Variants in CSMD2 observed in about 807,000 individuals in gnomAD.
CSMD2 encodes CUB and Sushi multiple domains 2.
Under a neutral mutation model 398.5 loss-of-function variants are expected in CSMD2, and 130 were observed. The ratio of observed to expected loss-of-function variants is 0.33; its 90% confidence interval spans 0.28 to 0.38. CSMD2 has a LOEUF of 0.38. Ranked by LOEUF, CSMD2 falls within the 10% of genes least tolerant of loss-of-function variation. The pLI is 1.00. For missense variants in CSMD2, 3,829 were observed against 4,764.9 expected (o/e 0.80, Z 5.78); for synonymous variants, 1,828 against 1,908.5 (o/e 0.96, Z 1.10).
intron 1 of CSMD2, among the ~76,000 whole-genome samples, chr1:34,106,897 T>C (rs78744918): frequency 7.9e-5 from 12 of 152,246 alleles, no homozygotes; most frequent in Non-Finnish European, 1.3e-4. Context: ...GAAGCCACCA[T>C]TGCGGACCAA....
In CSMD2 at chr1:33,711,868, C is replaced by A. The variant is rs548975795; in HGVS notation, c.3407-2610G>T. 2.6e-5 allele frequency among the ~76,000 whole-genome samples: 4 copies of A among 152,288 alleles called. No homozygotes were observed. The East Asian group carries it at 7.7e-4, about 29-fold the overall frequency. Reference sequence around the variant, plus strand: ...AGCTTTAGATGTGGCCAGTCCTTGGCCAATCCCCAGGTCCTGACTCCCTGT... The same window carrying A: ...AGCTTTAGATGTGGCCAGTCCTTGGACAATCCCCAGGTCCTGACTCCCTGT... On this transcript the variant is annotated intron_variant, in intron 21 of 70. Coordinates refer to ENST00000373381, the MANE Select transcript of CSMD2 (RefSeq NM_001281956.2).
At chr1:33,556,142 T>C (rs1657948262) in intron 55 of CSMD2, among the ~76,000 whole-genome samples, 2 of 152,108 alleles carry the variant, frequency 1.3e-5, no homozygotes. Flanking sequence ...GGACAAAAAG[T>C]TAATATGGAT....
chr1:33,564,365 A>G lies in CSMD2; in HGVS notation c.8380+3228T>C, dbSNP rs376749657. Among the ~76,000 whole-genome samples, 38 of 152,292 alleles carry G rather than the reference A, an allele frequency of 2.5e-4. No homozygotes were observed. In the South Asian group the frequency reaches 7.9e-3, roughly 32 times the overall value. On this transcript the variant is annotated intron_variant, in intron 53 of 70. Transcript: ENST00000373381. ...TAACTACTTCACTCACTGCCTTTGA[A>G]TATGGTCCAGTCTAACGTTCAATGT...
At chr1:33,603,519 G>A (rs921378927) in intron 42 of CSMD2, among the ~76,000 whole-genome samples, 1 of 152,202 alleles carries the variant, frequency 6.6e-6, no homozygotes, top group African/African-American at 2.4e-5. Flanking sequence ...GGGGTCCTGT[G>A]AATGCACGTA....
rs994400307 is a variant in CSMD2 at position 33,524,931 on chromosome 1, C to T, written c.10347G>A (p.Lys3449=). ...RVTGFQVANS[K]VNATMIDHSG... ...TGTGGTCGATCATGGTGGCATTGACCTTGCTGTTGGCAACTTGGAAGCCAG... is the reference window on the plus strand; with the variant it reads ...TGTGGTCGATCATGGTGGCATTGACTTTGCTGTTGGCAACTTGGAAGCCAG... Residue 3449 remains lysine (K), a synonymous_variant, in exon 66 of 71, where the codon AAG becomes AAA. Transcript: ENST00000373381. 1 of 1,614,236 alleles carries T rather than the reference C, an allele frequency of 6.2e-7. No individual in the cohort carries two copies. Among genetic ancestry groups the T allele is most frequent in the Non-Finnish European group, 8.5e-7 (1 of 1,180,042 alleles).
intron 5 of CSMD2, among the ~76,000 whole-genome samples, chr1:33,906,962 A>C (rs1167061112): frequency 6.6e-6 from 1 of 152,054 alleles, no homozygotes; most frequent in African/African-American, 2.4e-5. Flanking sequence ...GGCAAGCAGA[A>C]AGCAGAGCCC....
intron 13 of CSMD2, among the ~76,000 whole-genome samples, chr1:33,751,911 C>T (rs1198323670): frequency 6.6e-6 from 1 of 152,166 alleles, no homozygotes; most frequent in Non-Finnish European, 1.5e-5. Context: ...AGGCATGAGC[C>T]ACTGTGCCCA....
At chr1:34,092,194 G>C (rs537730253) in intron 1 of CSMD2, among the ~76,000 whole-genome samples, 1 of 152,304 alleles carries the variant, frequency 6.6e-6, no homozygotes, top group Admixed American at 6.5e-5. Flanking sequence ...GACTTTTACA[G>C]AGGGATAAAA....
At chr1:33,640,500 C>T (rs1643043971) in intron 29 of CSMD2, among the ~76,000 whole-genome samples, 1 of 152,196 alleles carries the variant, frequency 6.6e-6, no homozygotes, top group Non-Finnish European at 1.5e-5. Context: ...CATTTGTTTA[C>T]ATATTGTCTG....
intron 4 of CSMD2, among the ~76,000 whole-genome samples, chr1:33,933,119 T>C (rs1644363338): frequency 6.6e-6 from 1 of 152,228 alleles, no homozygotes; most frequent in Non-Finnish European, 1.5e-5. Context: ...TTGCCACACC[T>C]TCCATAAAGC....
At chr1:34,117,687 A>AAT (rs1375177448) in intron 1 of CSMD2, among the ~76,000 whole-genome samples, 3 of 152,176 alleles carry the variant, frequency 2.0e-5, no homozygotes, top group Non-Finnish European at 4.4e-5. Flanking sequence ...ACTACAGACC[A>AAT]ATATACCTGA....
intron 43 of CSMD2, 71 bp from the exon 44 acceptor site, chr1:33,601,081 G>A: frequency 1.3e-6 from 2 of 1,598,700 alleles, no homozygotes; most frequent in Non-Finnish European, 1.7e-6. Context: ...GGTGCCATCA[G>A]TGGCCTTAAG....
At chr1:34,059,804 T>G (rs1031239216) in intron 2 of CSMD2, among the ~76,000 whole-genome samples, 2 of 152,130 alleles carry the variant, frequency 1.3e-5, no homozygotes, top group Non-Finnish European at 2.9e-5. Context: ...TGGATCCTGG[T>G]GGGTAACTCT....
intron 5 of CSMD2, among the ~76,000 whole-genome samples, chr1:33,883,001 T>C (rs1394295525): frequency 6.6e-6 from 1 of 152,194 alleles, no homozygotes; most frequent in Non-Finnish European, 1.5e-5. Flanking sequence ...TCATAAATTC[T>C]CTCTACCACA....
chr1:34,096,465 C>A (rs1189844108), intron 1 of CSMD2, among the ~76,000 whole-genome samples: 4 of 150,762 alleles, frequency 2.7e-5, no homozygotes, highest in African/African-American at 9.8e-5. Context: ...AAGAGGAAGT[C>A]AAATTGTCCC....
chr1:33,717,452 G>T (rs1050278627), intron 19 of CSMD2, among the ~76,000 whole-genome samples: 2 of 152,006 alleles, frequency 1.3e-5, no homozygotes, highest in Non-Finnish European at 2.9e-5. Context: ...GGCACTTAAT[G>T]CAAAGGAGAA....
intron 15 of CSMD2, among the ~76,000 whole-genome samples, chr1:33,738,891 G>A (rs149587864): frequency 1.2e-4 from 18 of 152,272 alleles, no homozygotes; most frequent in African/African-American, 4.1e-4. Flanking sequence ...GAAAGAAGAG[G>A]TGCTTTTGAT....
In CSMD2 at chr1:33,577,706, A is replaced by T. The variant is rs138548354; in HGVS notation, c.7388-222T>A. ...CGGAAACAAAACAAAACAAAACAAA[A>T]AAAACCAGCTTCATGAAGCACTGGG... On this transcript the variant is annotated intron_variant, in intron 48 of 70. Coordinates refer to ENST00000373381, the MANE Select transcript of CSMD2 (RefSeq NM_001281956.2). Among the ~76,000 whole-genome samples the T allele has an allele frequency of 2.3e-3, 344 of 152,322 alleles. 2 individuals carry two copies. The highest frequency in any genetic ancestry group is 8.0e-3 in the African/African-American group (332 of 41,574).
At chr1:33,809,322 A>G (rs1388612155) in intron 10 of CSMD2, among the ~76,000 whole-genome samples, 1 of 152,048 alleles carries the variant, frequency 6.6e-6, no homozygotes, top group Non-Finnish European at 1.5e-5. Flanking sequence ...TAAATGATCA[A>G]GTTATGTTAA....
Sources: gnomAD v4.1 joint callset for allele counts (sites outside exome capture counted in the v4.1 genomes callset) on GRCh38, gnomAD v4.1.1 for gene constraint, MANE v1.5 for transcripts, NCBI Gene and HGNC (gene_info 2026-07-23, HGNC 2026-07-21) for gene names.